Variants in YAF2 observed in about 807,000 individuals in gnomAD.
YAF2 encodes the protein YY1 associated factor 2, also known as YY1-associated factor 2.
Under a neutral mutation model 20.1 loss-of-function variants are expected in YAF2, and 7 were observed. The ratio of observed to expected loss-of-function variants is 0.35; its 90% CI spans 0.20 to 0.65. The LOEUF (loss-of-function observed/expected upper bound fraction) is 0.65. Ranked by LOEUF, YAF2 falls within the 30% of genes least tolerant of loss-of-function variation. The pLI is 0.69. For synonymous variants in YAF2, 74 were observed against 76.0 expected (o/e 0.97, Z 0.14); for missense variants, 151 against 219.2 (o/e 0.69, Z 1.96).
At chr12:42,237,760 G>C in intron 1 of YAF2, 36 bp from the exon 2 acceptor site, 1 of 1,442,074 alleles carries the variant, frequency 6.9e-7, no homozygotes, top group Non-Finnish European at 9.2e-7. Flanking sequence ...GCGGCGCGGG[G>C]TCACCAGCAG....
At chr12:42,201,970 C>T (rs2066910177) in intron 2 of YAF2, among the ~76,000 whole-genome samples, 1 of 152,192 alleles carries the variant, frequency 6.6e-6, no homozygotes, top group African/African-American at 2.4e-5. Flanking sequence ...CTTTTCCTGA[C>T]TTGTTAAAGA....
At position 42,161,616 on chromosome 12, in the gene YAF2, G is replaced by C. The variant is rs1368847483; in HGVS notation, c.302C>G (p.Thr101Ser). The change falls in exon 3 of 4, where the codon ACC becomes AGC. Residue 101 changes from threonine (T) to serine (S), a missense_variant. Transcript: ENST00000534854. ...TTSKKNSHKK[T>S]RPRLKNVDRS... The stretch of plus-strand genomic sequence containing the variant: ...ATAAAACACTCTTCACATTTACCTG[G>C]TTTTCTTATGGCTATTCTTTTTGCT... 1.3e-6 allele frequency: 2 copies of C among 1,575,796 alleles called. No homozygotes were observed. Among genetic ancestry groups the C allele is most frequent in the African/African-American group, 2.8e-5 (2 of 72,254 alleles).
chr12:42,235,020 A>G, intron 2 of YAF2: 1 of 985,440 alleles, frequency 1.0e-6, no homozygotes, highest in Non-Finnish European at 1.2e-6. Flanking sequence ...AAGACTTCAA[A>G]GGTAGAACAA....
rs796517496 is a variant in YAF2, at chr12:42,203,375, T to C, written c.152+34224A>G. ...GTACTTTCATTTCTTTTAATATTTC[T>C]AGGGAGCATCTCATCTCATTTCTGT... is the stretch of plus-strand genomic sequence containing the variant. On this transcript the variant is annotated intron_variant, in intron 2 of 3. Transcript: ENST00000534854. Among the ~76,000 whole-genome samples the C allele has an allele frequency of 7.3e-4, 111 of 152,324 alleles. 1 individual carries two copies. Among genetic ancestry groups the C allele is most frequent in the African/African-American group, 2.6e-3 (107 of 41,588 alleles).
chr12:42,230,493 T>C (rs979218604), intron 2 of YAF2, among the ~76,000 whole-genome samples: 5 of 152,198 alleles, frequency 3.3e-5, no homozygotes, highest in African/African-American at 1.2e-4. Context: ...TTTTTAAATA[T>C]ACAGGGACCA....
chr12:42,180,144 C>T (rs2066306167), intron 2 of YAF2, among the ~76,000 whole-genome samples: 1 of 152,186 alleles, frequency 6.6e-6, no homozygotes, highest in South Asian at 2.1e-4. Flanking sequence ...GGTATTCATG[C>T]CCTTATCCAA....
chr12:42,233,482 A>C, intron 2 of YAF2: 3 of 983,028 alleles, frequency 3.1e-6, no homozygotes, highest in Non-Finnish European at 3.6e-6. Context: ...GACTATCCTT[A>C]ATATTTAATA....
At chr12:42,219,088 T>C (rs2067442676) in intron 2 of YAF2, among the ~76,000 whole-genome samples, 1 of 152,202 alleles carries the variant, frequency 6.6e-6, no homozygotes, top group South Asian at 2.1e-4. Flanking sequence ...AACACCCTTA[T>C]AAAATACAAA....
At chr12:42,231,015 T>C (rs904730046) in intron 2 of YAF2, among the ~76,000 whole-genome samples, 5 of 152,178 alleles carry the variant, frequency 3.3e-5, no homozygotes, top group South Asian at 4.1e-4. Context: ...AGTAAAGCCA[T>C]TGCATGTAGA....
chr12:42,164,949 G>A (rs529310045), intron 2 of YAF2, among the ~76,000 whole-genome samples: 2 of 151,902 alleles, frequency 1.3e-5, no homozygotes, highest in South Asian at 2.1e-4. Flanking sequence ...CGCGCCTGTA[G>A]GAGGCTGAGG....
intron 2 of YAF2, among the ~76,000 whole-genome samples, chr12:42,214,400 T>C (rs1002154269): frequency 6.6e-6 from 1 of 152,154 alleles, no homozygotes; most frequent in Admixed American, 6.5e-5. Flanking sequence ...GCCTTCCAAG[T>C]AGCTGGGAAA....
rs371887311 is a variant in YAF2 at position 42,228,251 on chromosome 12, T to G, written c.152+9348A>C. Among the ~76,000 whole-genome samples, 237 of 17,988 alleles carry G rather than the reference T, an allele frequency of 0.013. 1 individual carries two copies. The Middle Eastern group carries it at 0.15, about 12-fold the overall frequency. The allele number at this position is 17,988 out of a possible 152,430, so 11.8% of individuals were successfully genotyped here. On this transcript the variant is annotated intron_variant, in intron 2 of 3. Transcript: ENST00000534854. ...GCCCCGTCCTGGAGGGAGGTGGGGG[T>G]GTCGGCCCCCCGCCCGCGCCAGCCG...
intron 2 of YAF2, among the ~76,000 whole-genome samples, chr12:42,175,528 A>T (rs1463672425): frequency 1.2e-4 from 1 of 8,572 alleles, no homozygotes; most frequent in Non-Finnish European, 2.0e-4. Flanking sequence ...TATGTCAATT[A>T]TACCTCAAAA....
chr12:42,238,224 T>G lies in YAF2; in HGVS notation c.-44A>C. On this transcript the variant is annotated 5_prime_UTR_variant, in exon 1 of 4. Transcript: ENST00000534854. ...CGCCGAGAGTCGCCGCCGCGACCGC[T>G]CTGTTTGTCAATAAGGAGGATAATA... 1 of 1,480,158 alleles carries G rather than the reference T, an allele frequency of 6.8e-7. No homozygotes were observed. Among genetic ancestry groups the G allele is most frequent in the Non-Finnish European group, 9.0e-7 (1 of 1,108,860 alleles). 91.7% of individuals were successfully genotyped at this position (1,480,158 alleles called of 1,614,324 possible).
intron 1 of YAF2, 55 bp downstream of exon 1, chr12:42,238,100 G>T: frequency 7.0e-7 from 1 of 1,424,116 alleles, no homozygotes; most frequent in Non-Finnish European, 9.2e-7. Context: ...CCGAAGCCCT[G>T]CACGAGGGCC....
chr12:42,225,671 G>A lies in YAF2; in HGVS notation c.152+11928C>T, dbSNP rs182573337. Among the ~76,000 whole-genome samples the A allele has an allele frequency of 2.0e-3, 309 of 152,198 alleles. 1 individual carries two copies. The highest frequency in any genetic ancestry group is 3.1e-3 in the Non-Finnish European group (213 of 67,988). Reference sequence around the variant, plus strand: ...AGTGTTTGTTTTTGTCAGGTTTGTCGAAGATTAGATGGTTGTAGATACGTG... The same window carrying A: ...AGTGTTTGTTTTTGTCAGGTTTGTCAAAGATTAGATGGTTGTAGATACGTG... On this transcript the variant is annotated intron_variant, in intron 2 of 3. Coordinates refer to ENST00000534854, the MANE Select transcript of YAF2 (RefSeq NM_005748.6).
At chr12:42,167,596 A>G (rs10880260) in intron 2 of YAF2, among the ~76,000 whole-genome samples, 53,654 of 152,144 alleles carry the variant, frequency 0.35, 9,789 homozygotes, top group South Asian at 0.48. Flanking sequence ...AACAATACAC[A>G]TATCCTGTAA....
At chr12:42,165,773 G>GTTTTT (rs71084620) in intron 2 of YAF2, among the ~76,000 whole-genome samples, 2 of 116,076 alleles carry the variant, frequency 1.7e-5, no homozygotes, top group Non-Finnish European at 3.4e-5. Flanking sequence ...GCCCGGCCAG[G>GTTTTT]TTTTTTTTTT....
chr12:42,189,783 A>G (rs953775255), intron 2 of YAF2, among the ~76,000 whole-genome samples: 2 of 152,198 alleles, frequency 1.3e-5, no homozygotes, highest in Non-Finnish European at 2.9e-5. Context: ...ATGGGGTTTC[A>G]TAAGTACCAA....
Sources: allele counts gnomAD v4.1 joint callset (sites outside exome capture counted in the v4.1 genomes callset), GRCh38; gene constraint gnomAD v4.1.1; transcripts MANE v1.5; gene names NCBI Gene and HGNC (gene_info 2026-07-23, HGNC 2026-07-21).